Variants in ST6GALNAC5 observed in about 807,000 individuals in gnomAD.
ST6GALNAC5 encodes ST6 N-acetylgalactosaminide alpha-2,6-sialyltransferase 5.
In ST6GALNAC5, 27 loss-of-function variants were observed where a neutral mutation model predicts 33.6. The observed-to-expected ratio is 0.80, with a 90% CI of 0.59 to 1.11. The LOEUF is 1.11. Among genes scored for constraint, ST6GALNAC5 ranks in the 50% least tolerant of loss-of-function variants. The pLI is 0.00. For synonymous variants in ST6GALNAC5, 194 were observed against 171.2 expected, an observed-to-expected ratio of 1.13 and a Z score of -1.04; for missense variants, 428 against 454.0, an observed-to-expected ratio of 0.94 and a Z score of 0.52.
chr1:77,065,624 G>A lies in ST6GALNAC5; in HGVS notation c.*2418G>A, dbSNP rs1025910101. ...ATTGTGCTGATGAACCTGGTTGTGG[G>A]CAATTGAATTCTTGTCTTCCCACTA... On this transcript the variant is annotated 3_prime_UTR_variant, in exon 5 of 5. Coordinates refer to ENST00000477717, the MANE Select transcript of ST6GALNAC5 (RefSeq NM_030965.3). 2.6e-5 allele frequency: 4 copies of A among 152,152 alleles called. No individual in the cohort carries two copies. Among genetic ancestry groups the A allele is most frequent in the African/African-American group, 7.2e-5 (3 of 41,422 alleles). The allele number at this position is 152,152 out of a possible 1,614,324, so 9.4% of individuals were successfully genotyped here. A position where few individuals can be genotyped will look rare whatever the true frequency, so the allele number is the denominator to read the frequency against.
Position 76,913,401 on chromosome 1 carries a change from A to G in ST6GALNAC5, c.261+44659A>G, listed in dbSNP as rs1646934441. Among the ~76,000 whole-genome samples, 2 of 151,004 alleles carry G rather than the reference A, an allele frequency of 1.3e-5. 1 individual carries two copies. Among genetic ancestry groups the G allele is most frequent in the Admixed American group, 1.3e-4 (2 of 15,196 alleles). ...TGAATCTGACTATTATGTGTCTTGG[A>G]GTTGCTCTTCTCAAGGAGTATCTTT... On this transcript the variant is annotated intron_variant, in intron 2 of 4. Transcript: ENST00000477717.
chr1:76,880,950 A>G (rs1653765886), intron 2 of ST6GALNAC5, among the ~76,000 whole-genome samples: 1 of 152,206 alleles, frequency 6.6e-6, no homozygotes. Context: ...GTGTCAGTAC[A>G]ATTTCTGCTT....
intron 2 of ST6GALNAC5, among the ~76,000 whole-genome samples, chr1:76,917,332 G>A (rs1418816507): frequency 6.6e-6 from 1 of 152,088 alleles, no homozygotes; most frequent in Non-Finnish European, 1.5e-5. Flanking sequence ...GTGACTTGCT[G>A]GCAATATTAA....
At chr1:76,988,170 C>A (rs1379787015) in intron 2 of ST6GALNAC5, among the ~76,000 whole-genome samples, 2 of 152,070 alleles carry the variant, frequency 1.3e-5, no homozygotes, top group African/African-American at 2.4e-5. Context: ...ATTGCTGAGA[C>A]TTTCCTGTGC....
chr1:77,014,720 C>T (rs1298174561), intron 2 of ST6GALNAC5, among the ~76,000 whole-genome samples: 1 of 152,160 alleles, frequency 6.6e-6, no homozygotes, highest in Non-Finnish European at 1.5e-5. Flanking sequence ...AGCCAACTGG[C>T]CTTTTTTCTT....
Position 76,996,699 on chromosome 1 carries a change from G to A in ST6GALNAC5, c.262-47505G>A, listed in dbSNP as rs931114870. Among the ~76,000 whole-genome samples the A allele has an allele frequency of 2.0e-5, 3 of 152,188 alleles. No individual in the cohort carries two copies. In the East Asian group the frequency reaches 5.8e-4, roughly 29 times the overall value. ...AGAAACAGCTGTGGAACTCCTTTCA[G>A]TATGTACAGTTGGAAGGAGGCTGGC... is the stretch of plus-strand genomic sequence containing the variant. On this transcript the variant is annotated intron_variant, in intron 2 of 4. Transcript: ENST00000477717.
intron 2 of ST6GALNAC5, among the ~76,000 whole-genome samples, chr1:76,971,629 C>T (rs1266141247): frequency 2.0e-5 from 3 of 151,738 alleles, no homozygotes; most frequent in African/African-American, 7.3e-5. Context: ...TTTATTATTC[C>T]ATTTCGTCCC....
chr1:76,961,128 T>C (rs1309364782), intron 2 of ST6GALNAC5, among the ~76,000 whole-genome samples: 1 of 152,198 alleles, frequency 6.6e-6, no homozygotes, highest in African/African-American at 2.4e-5. Flanking sequence ...AACTAATAAA[T>C]GTCCATGAAA....
At chr1:76,958,223 T>C (rs1387722269) in intron 2 of ST6GALNAC5, among the ~76,000 whole-genome samples, 1 of 152,200 alleles carries the variant, frequency 6.6e-6, no homozygotes, top group East Asian at 1.9e-4. Context: ...CCCAGTCTTT[T>C]CAACTCTCGC....
intron 2 of ST6GALNAC5, among the ~76,000 whole-genome samples, chr1:77,014,004 C>A (rs1011904741): frequency 6.6e-6 from 1 of 152,128 alleles, no homozygotes; most frequent in African/African-American, 2.4e-5. Flanking sequence ...TTCTTAGGAC[C>A]ATGTTTCCCT....
chr1:76,878,005 C>G (rs1298440854), intron 2 of ST6GALNAC5, among the ~76,000 whole-genome samples: 2 of 152,160 alleles, frequency 1.3e-5, no homozygotes, highest in Non-Finnish European at 2.9e-5. Flanking sequence ...ATTGGAGTCC[C>G]CATTTTGTTA....
intron 2 of ST6GALNAC5, among the ~76,000 whole-genome samples, chr1:76,941,380 G>T (rs1471594679): frequency 6.6e-6 from 1 of 152,036 alleles, no homozygotes; most frequent in Non-Finnish European, 1.5e-5. Context: ...GTTTTTGTGT[G>T]AGGTAATCCA....
At chr1:76,925,962 G>A (rs1407819589) in intron 2 of ST6GALNAC5, among the ~76,000 whole-genome samples, 2 of 152,148 alleles carry the variant, frequency 1.3e-5, no homozygotes, top group Non-Finnish European at 2.9e-5. Flanking sequence ...ACCACATGCA[G>A]ATTTGATGGG....
chr1:76,995,296 G>C (rs1049913442), intron 2 of ST6GALNAC5, among the ~76,000 whole-genome samples: 2 of 152,162 alleles, frequency 1.3e-5, no homozygotes, highest in African/African-American at 4.8e-5. Flanking sequence ...TACTTGGGAG[G>C]CTGGGGCAGA....
chr1:77,061,806 T>C (rs1302904835), intron 4 of ST6GALNAC5, among the ~76,000 whole-genome samples: 1 of 152,158 alleles, frequency 6.6e-6, no homozygotes, highest in African/African-American at 2.4e-5. Flanking sequence ...GTTAATCCTA[T>C]GCACACCATC....
At chr1:76,953,124 AT>A (rs1557735256) in intron 2 of ST6GALNAC5, among the ~76,000 whole-genome samples, 1 of 152,110 alleles carries the variant, frequency 6.6e-6, no homozygotes, top group African/African-American at 2.4e-5. Flanking sequence ...CTTTGCTGTT[AT>A]GGATAGAGCT....
chr1:76,976,758 T>C (rs1649028859), intron 2 of ST6GALNAC5, among the ~76,000 whole-genome samples: 1 of 152,158 alleles, frequency 6.6e-6, no homozygotes, highest in Non-Finnish European at 1.5e-5. Flanking sequence ...TGAGCCCCCA[T>C]ATCATTTACT....
intron 4 of ST6GALNAC5, among the ~76,000 whole-genome samples, chr1:77,058,258 C>T (rs760501814): frequency 2.6e-5 from 4 of 152,322 alleles, no homozygotes; most frequent in Non-Finnish European, 5.9e-5. Flanking sequence ...AGTAGGGGTG[C>T]TAATAGTAGC....
At chr1:76,876,235 C>T (rs1273819340) in intron 2 of ST6GALNAC5, among the ~76,000 whole-genome samples, 1 of 152,162 alleles carries the variant, frequency 6.6e-6, no homozygotes, top group Non-Finnish European at 1.5e-5. Context: ...ATATCGAGGG[C>T]TCAGTGTTGG....
Sources: allele counts gnomAD v4.1 joint callset (sites outside exome capture counted in the v4.1 genomes callset), GRCh38; gene constraint gnomAD v4.1.1; transcripts MANE v1.5; gene names NCBI Gene and HGNC (gene_info 2026-07-23, HGNC 2026-07-21).